ERBIN: variants seen among roughly 807,000 people sequenced by gnomAD.
ERBIN encodes the protein densin-180-like protein.
In ERBIN, 60 loss-of-function variants were observed where a neutral mutation model predicts 158.4. That is an observed-to-expected ratio of 0.38 (90% CI 0.31 to 0.47). ERBIN has a LOEUF of 0.47. Among genes scored for constraint, ERBIN ranks in the 20% least tolerant of loss-of-function variants. The pLI, the probability that ERBIN is intolerant of heterozygous loss-of-function variation, is 0.99. For synonymous variants in ERBIN, 594 were observed against 557.2 expected, an observed-to-expected ratio of 1.07 and a Z score of -0.93; for missense variants, 1,610 against 1,648.0, an observed-to-expected ratio of 0.98 and a Z score of 0.40.
At chr5:65,990,693 G>A (rs1751775197) in intron 2 of ERBIN, among the ~76,000 whole-genome samples, 1 of 151,218 alleles carries the variant, frequency 6.6e-6, no homozygotes. Flanking sequence ...ATGAGAGTCT[G>A]CATGTAGTTT....
chr5:65,983,145 T>G (rs1750831207), intron 1 of ERBIN, among the ~76,000 whole-genome samples: 1 of 152,202 alleles, frequency 6.6e-6, no homozygotes, highest in Non-Finnish European at 1.5e-5. Flanking sequence ...TAGACATGTT[T>G]AGGCTAACTA....
chr5:65,954,449 T>A (rs370377792), intron 1 of ERBIN, among the ~76,000 whole-genome samples: 38 of 152,292 alleles, frequency 2.5e-4, no homozygotes, highest in African/African-American at 8.9e-4. Flanking sequence ...CTTTGTTCCA[T>A]GTAAGACAGT....
At chr5:66,034,643 A>T (rs566475065) in intron 14 of ERBIN, among the ~76,000 whole-genome samples, 1 of 151,716 alleles carries the variant, frequency 6.6e-6, no homozygotes, top group East Asian at 1.9e-4. Flanking sequence ...TTCAGAACAC[A>T]GTTTAGGAAA....
intron 14 of ERBIN, among the ~76,000 whole-genome samples, chr5:66,032,704 G>C (rs924377663): frequency 6.6e-6 from 1 of 152,132 alleles, no homozygotes; most frequent in African/African-American, 2.4e-5. Flanking sequence ...TGAATTGGAG[G>C]ACATTGTCAT....
chr5:65,957,902 G>C (rs1205208446), intron 1 of ERBIN, among the ~76,000 whole-genome samples: 1 of 151,962 alleles, frequency 6.6e-6, no homozygotes, highest in African/African-American at 2.4e-5. Context: ...TTCTCAGCCG[G>C]GGCGGCTGCC....
intron 17 of ERBIN, among the ~76,000 whole-genome samples, 180 bp from the exon 18 acceptor site, chr5:66,046,173 A>G (rs896289125): frequency 5.9e-5 from 9 of 152,328 alleles, no homozygotes; most frequent in African/African-American, 2.2e-4. Flanking sequence ...TTTGGGGGCC[A>G]CGTGCTCCTA....
Position 66,048,746 on chromosome 5 carries a change from A to C in ERBIN, c.1868A>C (p.Gln623Pro). The C allele has an allele frequency of 6.2e-7, 1 of 1,607,100 alleles. No individual in the cohort carries two copies. The highest frequency in any genetic ancestry group is 8.5e-7 in the Non-Finnish European group (1 of 1,176,584). Residue 623 changes from glutamine (Q) to proline (P), a missense_variant, in exon 19 of 26, where the codon CAG becomes CCG. Gln to Pro is a moderately conservative substitution (Grantham distance 76). Transcript: ENST00000284037. ...RPPLIETSIN[Q>P]PKVVALSNNK... ...CCATTAATTGAAACCTCTATTAACC[A>C]GCCAAAAGTCGTAGCACTTAGTAAT...
At chr5:65,940,415 TGGGGGGGTCAGCCCCCCGCCCGGCCAGC>T (rs1744741929) in intron 1 of ERBIN, among the ~76,000 whole-genome samples, 1 of 78,056 alleles carries the variant, frequency 1.3e-5, no homozygotes, top group African/African-American at 5.9e-5. Flanking sequence ...GGGAGGGAGG[TGGGGGGGTCAGCCCCCCGCCCGGCCAGC>T]TGCCCCGTCC....
chr5:65,959,884 A>G (rs1287670839), intron 1 of ERBIN, among the ~76,000 whole-genome samples: 4 of 152,226 alleles, frequency 2.6e-5, no homozygotes, highest in Admixed American at 1.3e-4. Flanking sequence ...CCATGACCTC[A>G]TTAGAAAATA....
intron 2 of ERBIN, among the ~76,000 whole-genome samples, chr5:65,990,869 T>G (rs1000718461): frequency 1.3e-5 from 2 of 151,702 alleles, no homozygotes; most frequent in South Asian, 4.2e-4. Context: ...CAAGCAGTTA[T>G]CCTGCCTCAG....
intron 1 of ERBIN, among the ~76,000 whole-genome samples, chr5:65,943,010 T>C (rs559820861): frequency 2.6e-4 from 39 of 152,312 alleles, no homozygotes; most frequent in African/African-American, 8.4e-4. Context: ...TCCTTCTCCA[T>C]TTCCCCTATT....
intron 4 of ERBIN, among the ~76,000 whole-genome samples, chr5:66,008,879 G>C (rs950755469): frequency 1.3e-5 from 2 of 152,052 alleles, no homozygotes; most frequent in Non-Finnish European, 2.9e-5. Context: ...ATGTTTTCAA[G>C]GTCGGATCAT....
At chr5:66,020,942 G>A (rs905280893) in intron 7 of ERBIN, among the ~76,000 whole-genome samples, 3 of 151,830 alleles carry the variant, frequency 2.0e-5, no homozygotes, top group Admixed American at 6.6e-5. Context: ...TTTTGAAAAA[G>A]AATTTTTGTA....
Position 66,079,335 on chromosome 5 carries a change from C to G in ERBIN, c.*805C>G, listed in dbSNP as rs1762271393. On this transcript the variant is annotated 3_prime_UTR_variant, in exon 26 of 26. Coordinates refer to ENST00000284037, the MANE Select transcript of ERBIN (RefSeq NM_001253697.2). ...GAAATTTTTAACTCTACTGTAGATG[C>G]ATGTCCATGCATTTTCTGTGTTATG... The G allele has an allele frequency of 6.7e-6, 1 of 150,280 alleles. No individual in the cohort carries two copies. Among genetic ancestry groups the G allele is most frequent in the Admixed American group, 6.6e-5 (1 of 15,076 alleles). 9.3% of individuals were successfully genotyped at this position (150,280 alleles called of 1,614,324 possible).
rs1167016530 is a variant in ERBIN, at chr5:66,081,299, CT to C, written c.*2770del. 6.6e-6 allele frequency: 1 copy of C among 151,910 alleles called. No homozygotes were observed. Among genetic ancestry groups the C allele is most frequent in the African/African-American group, 2.4e-5 (1 of 41,426 alleles). 9.4% of individuals were successfully genotyped at this position (151,910 alleles called of 1,614,324 possible). On this transcript the variant is annotated 3_prime_UTR_variant, in exon 26 of 26. Transcript: ENST00000284037. ...TGAATCAATGAAATTCTAAAATTCC[CT>C]ACATATTTATTTTGTAAATATTCTT... is the stretch of plus-strand genomic sequence containing the variant.
At chr5:66,047,405 G>C (rs1435776997) in intron 18 of ERBIN, among the ~76,000 whole-genome samples, 2 of 151,762 alleles carry the variant, frequency 1.3e-5, no homozygotes, top group East Asian at 3.9e-4. Context: ...TCCACTTTTT[G>C]GCTGTAATGA....
chr5:66,016,550 T>C (rs1754744168), intron 7 of ERBIN, among the ~76,000 whole-genome samples: 1 of 152,098 alleles, frequency 6.6e-6, no homozygotes, highest in South Asian at 2.1e-4. Flanking sequence ...TCCCCTTCAT[T>C]CTTTCCTCCC....
chr5:65,955,697 A>AT (rs1435019627), intron 1 of ERBIN, among the ~76,000 whole-genome samples: 5 of 152,202 alleles, frequency 3.3e-5, no homozygotes, highest in Non-Finnish European at 7.3e-5. Flanking sequence ...ATCCCAGGTG[A>AT]TTTTGGCTGT....
chr5:65,939,224 G>T (rs1196965109), intron 1 of ERBIN, among the ~76,000 whole-genome samples: 1 of 152,014 alleles, frequency 6.6e-6, no homozygotes, highest in Non-Finnish European at 1.5e-5. Flanking sequence ...GGATCACGAG[G>T]CCAGGAGGTG....
Sources: allele counts gnomAD v4.1 joint callset (sites outside exome capture counted in the v4.1 genomes callset), GRCh38; gene constraint gnomAD v4.1.1; transcripts MANE v1.5; gene names NCBI Gene and HGNC (gene_info 2026-07-23, HGNC 2026-07-21).